Variants in MAN2B2 observed in about 807,000 individuals in gnomAD.
The protein encoded by MAN2B2 is mannosidase alpha class 2B member 2, also known as epididymis-specific alpha-mannosidase.
MAN2B2 carries 106 observed loss-of-function variants against 117.1 expected under a neutral mutation model. That is an observed-to-expected ratio of 0.90 (90% CI 0.77 to 1.06). MAN2B2 has a LOEUF of 1.06. Ranked by LOEUF, MAN2B2 falls within the 50% of genes least tolerant of loss-of-function variation. The pLI, the probability that MAN2B2 is intolerant of heterozygous loss-of-function variation, is 0.00. For synonymous variants in MAN2B2, 544 were observed against 595.1 expected (o/e 0.91, Z 1.25); for missense variants, 1,326 against 1,381.4 (o/e 0.96, Z 0.64).
At chr4:6,576,856 C>G in intron 2 of MAN2B2, 132 bp downstream of exon 2, 1 of 947,862 alleles carries the variant, frequency 1.1e-6, no homozygotes, top group Non-Finnish European at 1.6e-6. Flanking sequence ...CCCCACCGGG[C>G]TATTCACAGC....
At chr4:6,616,593 C>T (rs890528307) in intron 16 of MAN2B2, among the ~76,000 whole-genome samples, 2 of 152,156 alleles carry the variant, frequency 1.3e-5, no homozygotes, top group Non-Finnish European at 2.9e-5. Context: ...AAGCTTCTGC[C>T]GGGAAGTACT....
intron 11 of MAN2B2, among the ~76,000 whole-genome samples, chr4:6,605,599 C>T (rs1260384030): frequency 6.6e-6 from 1 of 151,558 alleles, no homozygotes; most frequent in East Asian, 1.9e-4. Flanking sequence ...AAAATTACCA[C>T]TTTTTTTTTA....
chr4:6,579,030 C>G (rs1252695287), intron 3 of MAN2B2, among the ~76,000 whole-genome samples: 1 of 94,184 alleles, frequency 1.1e-5, no homozygotes, highest in African/African-American at 5.8e-5. Context: ...ATCACCATCA[C>G]CACTACCACC....
At chr4:6,601,410 G>A (rs1727323882) in intron 10 of MAN2B2, among the ~76,000 whole-genome samples, 2 of 151,568 alleles carry the variant, frequency 1.3e-5, no homozygotes, top group African/African-American at 4.9e-5. Context: ...TGAGGCAGGA[G>A]AATCGCTTTA....
chr4:6,579,585 CATCACCACT>C, intron 3 of MAN2B2, among the ~76,000 whole-genome samples: 1 of 150,998 alleles, frequency 6.6e-6, no homozygotes, highest in East Asian at 1.9e-4. Context: ...CCATCACCAC[CATCACCACT>C]ACCACCATCA....
In MAN2B2 at chr4:6,597,133, G is replaced by T; in HGVS notation, c.1078G>T (p.Gly360Cys). 1 of 1,613,408 alleles carries T rather than the reference G, an allele frequency of 6.2e-7. No homozygotes were observed. The highest frequency in any genetic ancestry group is 8.5e-7 in the Non-Finnish European group (1 of 1,179,892). ...YSTEPFQAWT[G>C]FYTSRSSLKG... ...CCCAGAACCATTCCAGGCCTGGACG[G>T]GCTTCTACACGTCCCGCAGCTCACT... The change falls in exon 8 of 19, where the codon GGC becomes TGC. Residue 360 changes from glycine (G) to cysteine (C), a missense_variant. Transcript: ENST00000285599.
chr4:6,594,776 G>A (rs757134094), intron 7 of MAN2B2, 44 bp downstream of exon 7: 33 of 1,563,178 alleles, frequency 2.1e-5, no homozygotes, highest in Non-Finnish European at 2.4e-5. Context: ...GTGGCAGGGA[G>A]GGTATAGTCC....
chr4:6,593,576 C>T (rs1453420058), intron 6 of MAN2B2, among the ~76,000 whole-genome samples: 1 of 152,256 alleles, frequency 6.6e-6, no homozygotes, highest in Non-Finnish European at 1.5e-5. Flanking sequence ...CCAGCTCCCA[C>T]TCAGCTCTCT....
At chr4:6,575,502 C>T (rs1726023499) in intron 1 of MAN2B2, among the ~76,000 whole-genome samples, 154 bp downstream of exon 1, 2 of 152,266 alleles carry the variant, frequency 1.3e-5, no homozygotes, top group South Asian at 4.1e-4. Flanking sequence ...GGTTGCGTCG[C>T]TAACTTCGGG....
At chr4:6,589,944 G>A (rs1226133172) in intron 5 of MAN2B2, among the ~76,000 whole-genome samples, 2 of 151,960 alleles carry the variant, frequency 1.3e-5, no homozygotes, top group Non-Finnish European at 2.9e-5. Flanking sequence ...CTGGGTGCAT[G>A]CAGTCCTAGA....
intron 9 of MAN2B2, 89 bp downstream of exon 9, chr4:6,598,443 A>C: frequency 7.2e-7 from 1 of 1,389,728 alleles, no homozygotes; most frequent in South Asian, 1.3e-5. Flanking sequence ...CCCCAGCTTC[A>C]GACTCTGAGT....
intron 15 of MAN2B2, 91 bp downstream of exon 15, chr4:6,611,369 C>T (rs1670489874): frequency 7.4e-7 from 1 of 1,348,166 alleles, no homozygotes; most frequent in Non-Finnish European, 1.0e-6. Flanking sequence ...GCCCTCATGA[C>T]TCTGGGCAGC....
intron 16 of MAN2B2, 128 bp downstream of exon 16, chr4:6,614,483 A>G (rs1164093902): frequency 9.6e-6 from 11 of 1,140,522 alleles, no homozygotes; most frequent in Non-Finnish European, 1.4e-5. Context: ...CTGGTTTCTT[A>G]TCTGGCACAT....
intron 16 of MAN2B2, among the ~76,000 whole-genome samples, chr4:6,615,269 C>T (rs190205605): frequency 3.3e-5 from 5 of 152,148 alleles, no homozygotes; most frequent in Admixed American, 2.6e-4. Context: ...GTCATGGTGG[C>T]GTGTGCCTGA....
rs1395500995 is a variant in MAN2B2 at position 6,610,788 on chromosome 4, T to C, written c.2260-92T>C. On this transcript the variant is annotated intron_variant, in intron 13 of 18. Coordinates refer to ENST00000285599, the MANE Select transcript of MAN2B2 (RefSeq NM_015274.3). Reference sequence around the variant, plus strand: ...CAGCCCCATGCTGCTGCTGTGCCTATGGGGAGCACCAGCTGGGGTGGCCAG... The same window carrying C: ...CAGCCCCATGCTGCTGCTGTGCCTACGGGGAGCACCAGCTGGGGTGGCCAG... 228 of 1,053,460 alleles carry C rather than the reference T, an allele frequency of 2.2e-4. 1 individual carries two copies. Among genetic ancestry groups the C allele is most frequent in the Non-Finnish European group, 4.3e-5 (29 of 676,650 alleles). The allele number at this position is 1,053,460 out of a possible 1,614,324, so 65.3% of individuals were successfully genotyped here.
At chr4:6,617,624 G>A (rs141471853) in intron 17 of MAN2B2, 132 bp downstream of exon 17, 174 of 1,516,130 alleles carry the variant, frequency 1.1e-4, no homozygotes, top group Middle Eastern at 6.8e-4. Context: ...GCCCCACCCC[G>A]CCCTTCTTCA....
chr4:6,582,341 CTGT>C lies in MAN2B2; in HGVS notation c.391+3857_391+3859del, dbSNP rs781516414. On this transcript the variant is annotated intron_variant, in intron 3 of 18. Coordinates refer to ENST00000285599, the MANE Select transcript of MAN2B2 (RefSeq NM_015274.3). ...TTAGTTGTTGTTGTTGCCGTTGCTG[CTGT>C]TGTTGTTGTTGTTAGACAGAGCCTC... Among the ~76,000 whole-genome samples, 28 of 152,138 alleles carry C rather than the reference CTGT, an allele frequency of 1.8e-4. No individual in the cohort carries two copies. The South Asian group carries it at 2.5e-3, about 14-fold the overall frequency.
chr4:6,591,550 T>G (rs1232361643), intron 5 of MAN2B2, among the ~76,000 whole-genome samples: 2 of 152,048 alleles, frequency 1.3e-5, no homozygotes, highest in Non-Finnish European at 2.9e-5. Context: ...AACTGTTGGG[T>G]GGAGGACCAG....
At chr4:6,618,466 C>G (rs1028665006) in intron 17 of MAN2B2, 2 of 152,200 alleles carry the variant, frequency 1.3e-5, no homozygotes, top group African/African-American at 4.8e-5. Flanking sequence ...GCCTCAGTTT[C>G]CCCCCATGTA....
Sources: allele counts gnomAD v4.1 joint callset (sites outside exome capture counted in the v4.1 genomes callset), GRCh38; gene constraint gnomAD v4.1.1; transcripts MANE v1.5; gene names NCBI Gene and HGNC (gene_info 2026-07-23, HGNC 2026-07-21).